Variants in ABI3BP observed in about 807,000 individuals in gnomAD.
ABI3BP encodes the protein target of Nesh-SH3.
In ABI3BP, 216 loss-of-function variants were observed where a neutral mutation model predicts 268.6. The ratio of observed to expected loss-of-function variants is 0.80; its 90% CI spans 0.72 to 0.90. The LOEUF is 0.90. ABI3BP is among the 40% of genes least tolerant of loss of function. ABI3BP has a pLI of 0.00. For missense variants in ABI3BP, 2,090 were observed against 2,182.4 expected (o/e 0.96, Z 0.84); for synonymous variants, 730 against 730.0 (o/e 1.00, Z 0.00).
chr3:100,928,776 A>AAACTAGATCTTGGGCT (rs2062673690), intron 1 of ABI3BP, among the ~76,000 whole-genome samples: 1 of 152,056 alleles, frequency 6.6e-6, no homozygotes, highest in Non-Finnish European at 1.5e-5. Flanking sequence ...AAGTGGGTCA[A>AAACTAGATCTTGGGCT]AACTAGATCT....
At chr3:100,901,371 GCAAA>G (rs1220239851) in intron 3 of ABI3BP, among the ~76,000 whole-genome samples, 1 of 152,094 alleles carries the variant, frequency 6.6e-6, no homozygotes, top group Non-Finnish European at 1.5e-5. Flanking sequence ...GAAAAATATA[GCAAA>G]CAAACAAAAA....
chr3:100,904,924 G>A (rs1582826005), intron 2 of ABI3BP, among the ~76,000 whole-genome samples: 1 of 152,160 alleles, frequency 6.6e-6, no homozygotes, highest in East Asian at 1.9e-4. Flanking sequence ...TATACCCAAA[G>A]GATTATAAAT....
chr3:100,924,519 A>G (rs772469944), intron 2 of ABI3BP, among the ~76,000 whole-genome samples: 3 of 152,188 alleles, frequency 2.0e-5, no homozygotes, highest in African/African-American at 2.4e-5. Context: ...TGTATGAAAG[A>G]ATACACAAAA....
At chr3:100,874,061 T>C (rs554454372) in intron 9 of ABI3BP, among the ~76,000 whole-genome samples, 1 of 152,302 alleles carries the variant, frequency 6.6e-6, no homozygotes, top group South Asian at 2.1e-4. Flanking sequence ...TCTAGAGACA[T>C]TGGAGGGGTA....
intron 1 of ABI3BP, among the ~76,000 whole-genome samples, chr3:100,932,328 C>T (rs2063919893): frequency 6.6e-6 from 1 of 151,482 alleles, no homozygotes; most frequent in African/African-American, 2.4e-5. Flanking sequence ...CAAACAAAAA[C>T]AAAAATGGAG....
At position 100,753,943 on chromosome 3, in the gene ABI3BP, G is replaced by A. The variant is rs557694495; in HGVS notation, c.4931-95C>T. ...GATGATGGGGGCTTACACTTGTTAA[G>A]AAGTCTTATTTGCAAAATGGTACTC... On this transcript the variant is annotated intron_variant, in intron 64 of 67. Coordinates refer to ENST00000471714, the MANE Select transcript of ABI3BP (RefSeq NM_001375547.2). The A allele has an allele frequency of 3.1e-6, 4 of 1,297,332 alleles. No homozygotes were observed. The African/African-American group carries it at 5.9e-5, about 19-fold the overall frequency. The allele number at this position is 1,297,332 out of a possible 1,614,324, so 80.4% of individuals were successfully genotyped here. A position where few individuals can be genotyped will look rare whatever the true frequency, so the allele number is the denominator to read the frequency against.
chr3:100,840,016 C>T (rs2152911298), intron 23 of ABI3BP, 56 bp downstream of exon 23: 2 of 1,434,894 alleles, frequency 1.4e-6, no homozygotes, highest in Non-Finnish European at 1.9e-6. Flanking sequence ...GATATCAAAC[C>T]AGAAGCTGCC....
At chr3:100,818,757 G>A (rs17338068) in intron 40 of ABI3BP, among the ~76,000 whole-genome samples, 176 bp from the exon 41 acceptor site, 21,479 of 152,138 alleles carry the variant, frequency 0.14, 1,973 homozygotes, top group South Asian at 0.27. Flanking sequence ...AAGGCACTTA[G>A]TCACAGCCTA....
intron 2 of ABI3BP, among the ~76,000 whole-genome samples, chr3:100,905,027 A>G (rs1007303996): frequency 1.3e-5 from 2 of 152,228 alleles, no homozygotes; most frequent in African/African-American, 2.4e-5. Context: ...TCCAACAATG[A>G]TAGACTGGAT....
intron 49 of ABI3BP, among the ~76,000 whole-genome samples, chr3:100,809,064 G>A (rs1347076392): frequency 6.6e-6 from 1 of 152,054 alleles, no homozygotes; most frequent in East Asian, 1.9e-4. Flanking sequence ...GGAGTCTGCA[G>A]AATCTTCTTC....
intron 1 of ABI3BP, among the ~76,000 whole-genome samples, chr3:100,969,669 C>T (rs1379046369): frequency 2.6e-5 from 4 of 152,138 alleles, no homozygotes; most frequent in African/African-American, 4.8e-5. Flanking sequence ...AGCCAATCTA[C>T]GTCATCAAGA....
chr3:100,939,243 A>G (rs989019794), intron 1 of ABI3BP, among the ~76,000 whole-genome samples: 2 of 152,074 alleles, frequency 1.3e-5, no homozygotes, highest in Admixed American at 6.6e-5. Flanking sequence ...GCTCTAAAAC[A>G]TGTCTTCCAG....
chr3:100,896,859 A>G (rs553313031), intron 4 of ABI3BP, among the ~76,000 whole-genome samples: 2 of 152,296 alleles, frequency 1.3e-5, no homozygotes, highest in East Asian at 3.9e-4. Context: ...TTATTTTTCA[A>G]AAAATTGGGT....
chr3:100,988,354 T>C (rs1054138432), intron 1 of ABI3BP, among the ~76,000 whole-genome samples: 8 of 151,930 alleles, frequency 5.3e-5, no homozygotes, highest in Admixed American at 3.9e-4. Flanking sequence ...TCATGAGGAG[T>C]CAGGCCAGAT....
At chr3:100,750,939 G>A (rs1453496807) in intron 67 of ABI3BP, among the ~76,000 whole-genome samples, 1 of 152,122 alleles carries the variant, frequency 6.6e-6, no homozygotes, top group African/African-American at 2.4e-5. Flanking sequence ...TGAACAAAAT[G>A]TGTTACTGAA....
In ABI3BP at chr3:100,794,965, T is replaced by G. The variant is rs200106328; in HGVS notation, c.3904A>C (p.Ile1302Leu). The change falls in exon 54 of 68, where the codon ATT becomes CTT. Residue 1302 changes from isoleucine (I) to leucine (L), a missense_variant. Coordinates refer to ENST00000471714, the MANE Select transcript of ABI3BP (RefSeq NM_001375547.2). ...ETRGIPFIPMISPSPSQEELQ... is the reference protein window; with the variant it reads ...ETRGIPFIPMLSPSPSQEELQ... ...TCCTCTTGACTAGGACTTGGGGAAATCATGGGTATAAAAGGGATGCCTCGT... is the reference window on the plus strand; with the variant it reads ...TCCTCTTGACTAGGACTTGGGGAAAGCATGGGTATAAAAGGGATGCCTCGT... 6 of 1,569,096 alleles carry G rather than the reference T, an allele frequency of 3.8e-6. No individual in the cohort carries two copies. The highest frequency in any genetic ancestry group is 5.2e-6 in the Non-Finnish European group (6 of 1,157,634).
intron 30 of ABI3BP, among the ~76,000 whole-genome samples, chr3:100,832,602 A>C (rs2098512175): frequency 6.6e-6 from 1 of 152,156 alleles, no homozygotes; most frequent in African/African-American, 2.4e-5. Flanking sequence ...TTTTCTTGAA[A>C]GTGTCCCTAA....
chr3:100,755,883 A>T (rs2095589956), intron 63 of ABI3BP, among the ~76,000 whole-genome samples: 1 of 152,226 alleles, frequency 6.6e-6, no homozygotes, highest in Non-Finnish European at 1.5e-5. Context: ...ATAATTAAAT[A>T]AGAATGCAGA....
chr3:100,921,710 A>T (rs1327695614), intron 2 of ABI3BP, among the ~76,000 whole-genome samples: 1 of 152,226 alleles, frequency 6.6e-6, no homozygotes, highest in African/African-American at 2.4e-5. Flanking sequence ...CCAAAATGGC[A>T]AAAGGAAGGT....
Sources: gnomAD v4.1 joint callset for allele counts (sites outside exome capture counted in the v4.1 genomes callset) on GRCh38, gnomAD v4.1.1 for gene constraint, MANE v1.5 for transcripts, NCBI Gene and HGNC (gene_info 2026-07-23, HGNC 2026-07-21) for gene names.